Variants in AAMDC observed in about 807,000 individuals in gnomAD.
AAMDC encodes the protein adipogenesis associated Mth938 domain containing.
In AAMDC, 16 loss-of-function variants were observed where a neutral mutation model predicts 15.5. The observed-to-expected ratio is 1.03, with a 90% CI of 0.70 to 1.57. The LOEUF is 1.57. Ranked by LOEUF, AAMDC falls within the 40% of genes most tolerant of loss-of-function variation. The pLI, the probability that AAMDC is intolerant of heterozygous loss-of-function variation, is 0.00. For missense variants in AAMDC, 141 were observed against 144.9 expected (o/e 0.97, Z 0.14); for synonymous variants, 51 against 51.6 (o/e 0.99, Z 0.05).
intron 2 of AAMDC, among the ~76,000 whole-genome samples, chr11:77,864,851 T>C (rs1951038358): frequency 6.6e-6 from 1 of 152,194 alleles, no homozygotes; most frequent in Middle Eastern, 3.4e-3. Flanking sequence ...TGGTGGCACA[T>C]CTGTATTCCC....
At position 77,893,898 on chromosome 11, in the gene AAMDC, A is replaced by AATAAATAC. The variant is rs1296057213; in HGVS notation, c.329-6666_329-6665insCATAAATA. Among the ~76,000 whole-genome samples the AATAAATAC allele has an allele frequency of 4.7e-5, 7 of 149,402 alleles. No individual in the cohort carries two copies. The East Asian group carries it at 1.2e-3, about 25-fold the overall frequency. On this transcript the variant is annotated intron_variant, in intron 5 of 5. Transcript: ENST00000304716. Reference sequence around the variant, plus strand: ...ACAGAGCAAGACTCTGTCTTAAATAAATAAATAAATAAATAAATAAATAAA... The same window carrying AATAAATAC: ...ACAGAGCAAGACTCTGTCTTAAATAAATAAATACATAAATAAATAAATAAATAAATAAA...
chr11:77,856,491 A>G (rs1280456187), intron 2 of AAMDC, among the ~76,000 whole-genome samples: 1 of 151,774 alleles, frequency 6.6e-6, no homozygotes, highest in East Asian at 1.9e-4. Flanking sequence ...CCTGGTACCA[A>G]TTTTCTTTGT....
In AAMDC at chr11:77,842,508, T is replaced by C; in HGVS notation, c.12T>C (p.Pro4=). 6.2e-7 allele frequency: 1 copy of C among 1,613,818 alleles called. No individual in the cohort carries two copies. Among genetic ancestry groups the C allele is most frequent in the Non-Finnish European group, 8.5e-7 (1 of 1,179,960 alleles). The stretch of plus-strand genomic sequence containing the variant: ...CAGTGAAGTTCCTTATGACTTCCCC[T>C]GAAATTGCTTCCTTATCATGGGGGC... The part of the protein sequence containing the change: MTS[P]EIASLSWGQM... The change falls in exon 2 of 4, where the codon CCT becomes CCC. Residue 4 remains proline (P), a synonymous_variant. Transcript: ENST00000393427.
intron 1 of AAMDC, among the ~76,000 whole-genome samples, chr11:77,839,129 T>C (rs1466362678): frequency 6.6e-6 from 1 of 152,188 alleles, no homozygotes; most frequent in Non-Finnish European, 1.5e-5. Context: ...AGATACAGTT[T>C]CTTTTTTAAT....
At chr11:77,895,479 C>A (rs1267707120) in intron 5 of AAMDC, among the ~76,000 whole-genome samples, 1 of 109,994 alleles carries the variant, frequency 9.1e-6, no homozygotes, top group African/African-American at 3.6e-5. Flanking sequence ...GGGTAGATGG[C>A]AAATGGAAAC....
At chr11:77,899,337 C>G (rs1258751987) in intron 5 of AAMDC, among the ~76,000 whole-genome samples, 1 of 151,524 alleles carries the variant, frequency 6.6e-6, no homozygotes, top group East Asian at 1.9e-4. Flanking sequence ...TCTAGCAAAA[C>G]CTAAGAAAGA....
At chr11:77,851,570 G>C (rs1009931666) in intron 2 of AAMDC, 2 of 152,030 alleles carry the variant, frequency 1.3e-5, no homozygotes, top group African/African-American at 4.8e-5. Flanking sequence ...GGGCTTGGTG[G>C]GAGGTAATTG....
chr11:77,878,041 C>A (rs1308383962), intron 5 of AAMDC, among the ~76,000 whole-genome samples: 1 of 152,022 alleles, frequency 6.6e-6, no homozygotes, highest in African/African-American at 2.4e-5. Context: ...CCATAGAGGT[C>A]CTAAGAATAA....
chr11:77,852,151 A>T (rs1950410595), intron 2 of AAMDC, among the ~76,000 whole-genome samples: 1 of 137,702 alleles, frequency 7.3e-6, no homozygotes, highest in Admixed American at 8.1e-5. Flanking sequence ...AGATGGGAGG[A>T]TCACTTGTGC....
chr11:77,850,953 C>CTTTTTTTT (rs10644646), intron 2 of AAMDC: 8 of 119,552 alleles, frequency 6.7e-5, no homozygotes, highest in East Asian at 2.5e-4. Flanking sequence ...ACAATAATAT[C>CTTTTTTTT]TTTTTTTTTT....
intron 1 of AAMDC, among the ~76,000 whole-genome samples, chr11:77,824,028 G>C (rs1590915515): frequency 6.6e-6 from 1 of 152,114 alleles, no homozygotes; most frequent in East Asian, 1.9e-4. Context: ...AATCTAGATC[G>C]GCAGGGAAAC....
chr11:77,891,883 C>G (rs1235646787), intron 5 of AAMDC: 11 of 1,609,688 alleles, frequency 6.8e-6, no homozygotes, highest in Non-Finnish European at 9.3e-6. Flanking sequence ...CAACTGTGCA[C>G]TCATTCACCA....
intron 2 of AAMDC, among the ~76,000 whole-genome samples, chr11:77,854,933 C>A (rs1020145953): frequency 3.3e-5 from 5 of 152,218 alleles, no homozygotes; most frequent in African/African-American, 4.8e-5. Context: ...AAAAACTAGG[C>A]AGAGGCTCCC....
chr11:77,903,921 C>A (rs1006196301), downstream of AAMDC, among the ~76,000 whole-genome samples: 1 of 152,184 alleles, frequency 6.6e-6, no homozygotes, highest in Non-Finnish European at 1.5e-5. Context: ...CGCAGGCAAG[C>A]CAGCTTCCGG....
intron 1 of AAMDC, among the ~76,000 whole-genome samples, chr11:77,835,113 T>C (rs1949624635): frequency 6.6e-6 from 1 of 152,222 alleles, no homozygotes; most frequent in Non-Finnish European, 1.5e-5. Context: ...TTAGAACAGA[T>C]AGATCTAGCA....
intron 5 of AAMDC, among the ~76,000 whole-genome samples, chr11:77,887,273 A>C (rs991972326): frequency 1.3e-5 from 2 of 152,164 alleles, no homozygotes; most frequent in Admixed American, 1.3e-4. Context: ...TCAACATACG[A>C]AAATCAATAA....
At chr11:77,828,123 A>T (rs1337245415) in intron 1 of AAMDC, among the ~76,000 whole-genome samples, 1 of 152,024 alleles carries the variant, frequency 6.6e-6, no homozygotes, top group African/African-American at 2.4e-5. Flanking sequence ...AAAATACAAA[A>T]AACTAGCTGG....
At chr11:77,822,048 ATAATT>A (rs1248828008) in intron 1 of AAMDC, among the ~76,000 whole-genome samples, 1 of 152,220 alleles carries the variant, frequency 6.6e-6, no homozygotes, top group Non-Finnish European at 1.5e-5. Context: ...AGGAGTTCCT[ATAATT>A]TAGACTGAAT....
intron 2 of AAMDC, chr11:77,855,201 G>A (rs1157378220): frequency 1.3e-5 from 2 of 152,202 alleles, no homozygotes; most frequent in African/African-American, 2.4e-5. Context: ...CTACTGTGAA[G>A]GTCTCTGAAA....
Sources: allele counts gnomAD v4.1 joint callset (sites outside exome capture counted in the v4.1 genomes callset), GRCh38; gene constraint gnomAD v4.1.1; transcripts MANE v1.5; gene names NCBI Gene and HGNC (gene_info 2026-07-23, HGNC 2026-07-21).